The following ZNF514 variants were observed in gnomAD, a reference collection of about 807,000 sequenced individuals.
The protein encoded by ZNF514 is zinc finger protein 514.
Under a neutral mutation model 9.7 loss-of-function variants are expected in ZNF514, and 12 were observed. The observed-to-expected ratio is 1.24, with a 90% CI of 0.79 to 2.01. ZNF514 has a LOEUF of 2.01. ZNF514 is among the 30% of genes most tolerant of loss of function. The pLI is 0.00. For missense variants in ZNF514, 467 were observed against 465.5 expected, an observed-to-expected ratio of 1.00 and a Z score of -0.03; for synonymous variants, 158 against 163.7, an observed-to-expected ratio of 0.97 and a Z score of 0.27.
chr2:95,158,732 G>A, intron 1 of ZNF514: 1 of 1,026,870 alleles, frequency 9.7e-7, no homozygotes, highest in African/African-American at 1.7e-5. Context: ...ATTTTCCATG[G>A]CCATCCCCTC....
chr2:95,124,996 C>T, the ZNF514 span, among the ~76,000 whole-genome samples: 2 of 151,916 alleles, frequency 1.3e-5, no homozygotes, highest in African/African-American at 2.4e-5. Flanking sequence ...ATTCTCCTGC[C>T]TCACCCTCCT....
chr2:95,131,907 C>T, the ZNF514 span, among the ~76,000 whole-genome samples: 19 of 152,066 alleles, frequency 1.2e-4, no homozygotes, highest in Admixed American at 2.0e-4. Context: ...CTTTGGGAGG[C>T]CGAGGAGGGT....
At position 95,146,367 on chromosome 2, in the gene ZNF514, A is replaced by G. The variant is rs878892192; in HGVS notation, c.*2915T>C. Among the ~76,000 whole-genome samples the G allele has an allele frequency of 6.6e-6, 1 of 152,218 alleles. No homozygotes were observed. The highest frequency in any genetic ancestry group is 1.5e-5 in the Non-Finnish European group (1 of 68,044). ...ATTACAAATGGTAAGATATGACTTC[A>G]TATCAGTTTTCAAGAGAACACCTCT... On this transcript the variant is annotated 3_prime_UTR_variant, in exon 5 of 5. Coordinates refer to ENST00000295208, the MANE Select transcript of ZNF514 (RefSeq NM_032788.3).
intron 1 of ZNF514, chr2:95,159,025 CT>C: frequency 7.9e-7 from 1 of 1,258,242 alleles, no homozygotes; most frequent in Non-Finnish European, 1.0e-6. Context: ...AGGTCCAAAT[CT>C]CTGTCTTTCG....
downstream of ZNF514, among the ~76,000 whole-genome samples, chr2:95,141,555 G>A (rs1270657782): frequency 6.6e-6 from 1 of 152,144 alleles, no homozygotes; most frequent in African/African-American, 2.4e-5. Flanking sequence ...CTCAAGTACT[G>A]TCACCAACAG....
chr2:95,139,712 C>T, the ZNF514 span, among the ~76,000 whole-genome samples: 1 of 152,094 alleles, frequency 6.6e-6, no homozygotes, highest in Non-Finnish European at 1.5e-5. Flanking sequence ...CTTTGGAAAA[C>T]TATTGGGAAG....
At position 95,149,827 on chromosome 2, in the gene ZNF514, T is replaced by C. The variant is rs969311552; in HGVS notation, c.658A>G (p.Arg220Gly). The C allele has an allele frequency of 6.2e-7, 1 of 1,614,254 alleles. No homozygotes were observed. Among genetic ancestry groups the C allele is most frequent in the African/African-American group, 1.3e-5 (1 of 75,070 alleles). Residue 220 changes from arginine (R) to glycine (G), a missense_variant, in exon 5 of 5, where the codon AGG becomes GGG. Physicochemically the swap from Arg to Gly is moderately radical, Grantham distance 125. Coordinates refer to ENST00000295208, the MANE Select transcript of ZNF514 (RefSeq NM_032788.3). ...GKSFHFQSEL[R>G]RHQRCHTGEK... Reference sequence around the variant, plus strand: ...CCAGTGTGACATCGCTGATGGCGCCTAAGTTCTGACTGGAAGTGAAAGGAC... The same window carrying C: ...CCAGTGTGACATCGCTGATGGCGCCCAAGTTCTGACTGGAAGTGAAAGGAC...
the ZNF514 span, among the ~76,000 whole-genome samples, chr2:95,127,569 GTTTTTGTTTTTGTT>G: frequency 1.7e-4 from 26 of 148,718 alleles, no homozygotes; most frequent in East Asian, 1.4e-3. Flanking sequence ...TGGTTGTTTT[GTTTTTGTTTTTGTT>G]TTTTTGTTTT....
chr2:95,137,943 G>A, the ZNF514 span, among the ~76,000 whole-genome samples: 1 of 152,086 alleles, frequency 6.6e-6, no homozygotes, highest in Non-Finnish European at 1.5e-5. Flanking sequence ...CATGAGATCT[G>A]GTCATTTAGG....
downstream of ZNF514, among the ~76,000 whole-genome samples, chr2:95,143,758 G>T (rs1379313032): frequency 3.3e-5 from 5 of 152,200 alleles, no homozygotes; most frequent in Non-Finnish European, 7.3e-5. Context: ...CATCTTGTGG[G>T]GGTTCAGTCA....
chr2:95,157,643 C>T (rs1673723799), intron 1 of ZNF514, among the ~76,000 whole-genome samples: 1 of 152,184 alleles, frequency 6.6e-6, no homozygotes, highest in African/African-American at 2.4e-5. Flanking sequence ...ATGAGGCTCC[C>T]ACCTGTCCAC....
Position 95,159,277 on chromosome 2 carries a change from C to CGA in ZNF514, c.-134_-133insTC. ...TCCTCCTCAGGACCAGGCTCTGGAA[C>CGA]CCAGCTCCCACGTGGATCCACACGC... On this transcript the variant is annotated 5_prime_UTR_variant, in exon 1 of 5. Transcript: ENST00000295208. 4 of 164,412 alleles carry CGA rather than the reference C, an allele frequency of 2.4e-5. No homozygotes were observed. Among genetic ancestry groups the CGA allele is most frequent in the Non-Finnish European group, 4.0e-5 (3 of 75,718 alleles). 10.2% of individuals were successfully genotyped at this position (164,412 alleles called of 1,614,324 possible).
At chr2:95,136,056 C>T in the ZNF514 span, among the ~76,000 whole-genome samples, 1 of 151,774 alleles carries the variant, frequency 6.6e-6, no homozygotes, top group Non-Finnish European at 1.5e-5. Flanking sequence ...GAGCGAGACT[C>T]CATCTCAAAA....
downstream of ZNF514, among the ~76,000 whole-genome samples, chr2:95,140,324 A>G (rs1273599714): frequency 8.5e-5 from 13 of 152,188 alleles, no homozygotes; most frequent in Non-Finnish European, 1.9e-4. Context: ...ATTTTTTTAA[A>G]AAGTATGTTG....
rs538282721 is a variant in ZNF514 at position 95,146,971 on chromosome 2, G to GT, written c.*2310dup. Among the ~76,000 whole-genome samples, 64 of 152,234 alleles carry GT rather than the reference G, an allele frequency of 4.2e-4. 1 individual carries two copies. The South Asian group carries it at 0.012, about 29-fold the overall frequency. The stretch of plus-strand genomic sequence containing the variant: ...CATCCTACCTGCCCTGGCCAACCTT[G>GT]TGGACTCTTAGACCCAGCCTGTCTG... On this transcript the variant is annotated 3_prime_UTR_variant, in exon 5 of 5. Coordinates refer to ENST00000295208, the MANE Select transcript of ZNF514 (RefSeq NM_032788.3).
At chr2:95,134,634 C>T in the ZNF514 span, among the ~76,000 whole-genome samples, 8 of 152,210 alleles carry the variant, frequency 5.3e-5, no homozygotes, top group Non-Finnish European at 1.0e-4. Flanking sequence ...CCCTAAACTT[C>T]GTCCAGTCTG....
chr2:95,136,502 C>T, the ZNF514 span, among the ~76,000 whole-genome samples: 3 of 152,080 alleles, frequency 2.0e-5, no homozygotes, highest in Non-Finnish European at 4.4e-5. Flanking sequence ...CCGCCTCTGC[C>T]TCCCAAAGTG....
the ZNF514 span, among the ~76,000 whole-genome samples, chr2:95,132,652 G>A: frequency 1.3e-4 from 20 of 152,052 alleles, no homozygotes; most frequent in South Asian, 1.7e-3. Context: ...GGTGGATCAC[G>A]AGGTCAGGAG....
Position 95,153,122 on chromosome 2 carries a change from C to T in ZNF514, c.121+11G>A. The T allele has an allele frequency of 6.2e-7, 1 of 1,609,946 alleles. No homozygotes were observed. Among genetic ancestry groups the T allele is most frequent in the Non-Finnish European group, 8.5e-7 (1 of 1,176,942 alleles). ...GTCCTGCTGGGTGGGCTTTGGAGGG[C>T]TTGTGCTCACCCAGAATGGCCAAGT... On this transcript the variant is annotated intron_variant, in intron 3 of 4. Transcript: ENST00000295208.
Sources: allele counts gnomAD v4.1 joint callset (sites outside exome capture counted in the v4.1 genomes callset), GRCh38; gene constraint gnomAD v4.1.1; transcripts MANE v1.5; gene names NCBI Gene and HGNC (gene_info 2026-07-23, HGNC 2026-07-21).